Variants in ALK observed in about 807,000 individuals in gnomAD.
ALK encodes the protein ALK receptor tyrosine kinase.
Under a neutral mutation model 163.1 loss-of-function variants are expected in ALK, and 74 were observed. That is an observed-to-expected ratio of 0.45 (90% CI 0.38 to 0.55). The LOEUF (loss-of-function observed/expected upper bound fraction) is 0.55. ALK is among the 20% of genes least tolerant of loss of function. The pLI, the probability that ALK is intolerant of heterozygous loss-of-function variation, is 0.00. For synonymous variants in ALK, 960 were observed against 843.2 expected (o/e 1.14, Z -2.40); for missense variants, 2,063 against 2,105.3 (o/e 0.98, Z 0.39).
chr2:29,619,635 G>C (rs73921131), intron 3 of ALK, among the ~76,000 whole-genome samples: 2,306 of 152,290 alleles, frequency 0.015, 61 homozygotes, highest in African/African-American at 0.052. Flanking sequence ...TTGTGGACAG[G>C]ACTGAGAACT....
intron 4 of ALK, among the ~76,000 whole-genome samples, chr2:29,451,425 C>T (rs954321879): frequency 6.6e-6 from 1 of 152,200 alleles, no homozygotes; most frequent in Admixed American, 6.5e-5. Context: ...CCTTCACACT[C>T]TATCGCCCTC....
chr2:29,843,459 G>A (rs1479122945), intron 1 of ALK, among the ~76,000 whole-genome samples: 1 of 152,106 alleles, frequency 6.6e-6, no homozygotes, highest in Non-Finnish European at 1.5e-5. Flanking sequence ...AAGAAAGGGA[G>A]GCAGGAATGA....
intron 4 of ALK, among the ~76,000 whole-genome samples, chr2:29,468,255 C>T (rs767200942): frequency 3.3e-5 from 5 of 152,138 alleles, no homozygotes; most frequent in Non-Finnish European, 7.3e-5. Flanking sequence ...TCTTGAACTC[C>T]TGACACAGTG....
intron 11 of ALK, among the ~76,000 whole-genome samples, chr2:29,272,685 T>C (rs1057385648): frequency 6.6e-6 from 1 of 152,256 alleles, no homozygotes; most frequent in Non-Finnish European, 1.5e-5. Context: ...CTTTGAACTT[T>C]GGAAAGAAAA....
chr2:29,909,340 C>CAA (rs1248800583), intron 1 of ALK, among the ~76,000 whole-genome samples: 2 of 152,094 alleles, frequency 1.3e-5, no homozygotes, highest in African/African-American at 4.8e-5. Context: ...AAGAGAAGGC[C>CAA]AAAAAGAGCA....
At chr2:29,756,699 G>A (rs1680543044) in intron 1 of ALK, among the ~76,000 whole-genome samples, 1 of 151,962 alleles carries the variant, frequency 6.6e-6, no homozygotes, top group Non-Finnish European at 1.5e-5. Context: ...GCTAATTATT[G>A]TATTTTTAGT....
intron 1 of ALK, among the ~76,000 whole-genome samples, chr2:29,862,153 C>T (rs767357129): frequency 1.3e-5 from 2 of 151,992 alleles, no homozygotes; most frequent in Non-Finnish European, 2.9e-5. Context: ...TATAACAAGC[C>T]CATAGCCAAT....
rs148177143 is a variant in ALK at position 29,893,044 on chromosome 2, T to A, written c.667+26949A>T. ...ACTGCCTTGCGCTGGCCATAATGTT[T>A]CCCTCCTTGATTTATGGGGCCATCT... On this transcript the variant is annotated intron_variant, in intron 1 of 28. Coordinates refer to ENST00000389048, the MANE Select transcript of ALK (RefSeq NM_004304.5). 6.1e-3 allele frequency among the ~76,000 whole-genome samples: 926 copies of A among 152,252 alleles called. 18 individuals carry two copies. Among genetic ancestry groups the A allele is most frequent in the Middle Eastern group, 0.027 (8 of 294 alleles).
intron 3 of ALK, among the ~76,000 whole-genome samples, chr2:29,668,279 G>GAATAA (rs1677579026): frequency 6.6e-6 from 1 of 151,248 alleles, no homozygotes; most frequent in South Asian, 2.1e-4. Context: ...ATTTATTTCT[G>GAATAA]CTCTGGTATT....
At chr2:29,305,121 A>G (rs1666468172) in intron 8 of ALK, among the ~76,000 whole-genome samples, 1 of 152,202 alleles carries the variant, frequency 6.6e-6, no homozygotes, top group African/African-American at 2.4e-5. Flanking sequence ...TGAGGGGTCC[A>G]TTTTCATCTT....
intron 1 of ALK, among the ~76,000 whole-genome samples, chr2:29,917,575 A>G (rs1667867193): frequency 6.6e-6 from 1 of 152,232 alleles, no homozygotes; most frequent in African/African-American, 2.4e-5. Context: ...GGATGTCTGC[A>G]ATGGAGACTG....
At chr2:29,663,918 C>T (rs1032023806) in intron 3 of ALK, among the ~76,000 whole-genome samples, 2 of 151,974 alleles carry the variant, frequency 1.3e-5, no homozygotes, top group South Asian at 2.1e-4. Context: ...ATGAAACCAC[C>T]CTGAAGGGGA....
chr2:29,368,017 A>G (rs1467760613), intron 5 of ALK, among the ~76,000 whole-genome samples: 1 of 152,158 alleles, frequency 6.6e-6, no homozygotes, highest in Non-Finnish European at 1.5e-5. Flanking sequence ...TCAACATTTT[A>G]CAAAAATTCA....
In ALK at chr2:29,642,478, GACAA is replaced by G. The variant is rs1676732517; in HGVS notation, c.952+52368_952+52371del. On this transcript the variant is annotated intron_variant, in intron 3 of 28. Coordinates refer to ENST00000389048, the MANE Select transcript of ALK (RefSeq NM_004304.5). ...GTGCTGGCTCATGCATATATTGAGA[GACAA>G]ACAAAAAAGGAAGCACTAAAATCTC... 2.0e-5 allele frequency among the ~76,000 whole-genome samples: 3 copies of G among 151,918 alleles called. No homozygotes were observed. In the South Asian group the frequency reaches 6.2e-4, roughly 31 times the overall value.
At chr2:29,517,205 G>A (rs967434916) in intron 4 of ALK, among the ~76,000 whole-genome samples, 1 of 152,090 alleles carries the variant, frequency 6.6e-6, no homozygotes, top group Non-Finnish European at 1.5e-5. Context: ...AGAGGTTTAG[G>A]GGCAGCACAG....
chr2:29,861,441 AGAG>A (rs1666288982), intron 1 of ALK, among the ~76,000 whole-genome samples: 1 of 152,314 alleles, frequency 6.6e-6, no homozygotes, highest in African/African-American at 2.4e-5. Flanking sequence ...AAAAAATGAA[AGAG>A]GAGAATTACA....
intron 3 of ALK, among the ~76,000 whole-genome samples, chr2:29,571,602 C>CTTTTTTTTTTTTTTTTTTTTTT (rs60429543): frequency 1.6e-4 from 11 of 68,528 alleles, no homozygotes; most frequent in Admixed American, 3.3e-4. Context: ...TGGCTCATAT[C>CTTTTTTTTTTTTTTTTTTTTTT]TTTTTTTTTT....
chr2:29,577,969 G>A (rs889902821), intron 3 of ALK, among the ~76,000 whole-genome samples: 18 of 152,156 alleles, frequency 1.2e-4, no homozygotes, highest in African/African-American at 3.9e-4. Context: ...CCCCCTAGTT[G>A]CATTGGGCTC....
intron 3 of ALK, among the ~76,000 whole-genome samples, chr2:29,673,132 G>A (rs1449411690): frequency 2.1e-5 from 3 of 144,880 alleles, no homozygotes; most frequent in Admixed American, 2.0e-4. Flanking sequence ...TAGGTTGCCT[G>A]TTCACTCTGA....
Sources: gnomAD v4.1 joint callset for allele counts (sites outside exome capture counted in the v4.1 genomes callset) on GRCh38, gnomAD v4.1.1 for gene constraint, MANE v1.5 for transcripts, NCBI Gene and HGNC (gene_info 2026-07-23, HGNC 2026-07-21) for gene names.